Variants in FCHO2 observed in about 807,000 individuals in gnomAD.
FCHO2 encodes the protein F-BAR domain only protein 2.
In FCHO2, 43 loss-of-function variants were observed where a neutral mutation model predicts 114.1. The observed-to-expected ratio is 0.38, with a 90% confidence interval of 0.30 to 0.49. The LOEUF is 0.49. FCHO2 is among the 20% of genes least tolerant of loss of function. FCHO2 has a pLI of 0.97. For synonymous variants in FCHO2, 293 were observed against 315.2 expected (o/e 0.93, Z 0.75); for missense variants, 807 against 950.4 (o/e 0.85, Z 1.98).
At chr5:73,073,951 TCAGTAG>T (rs1742794221) in intron 19 of FCHO2, among the ~76,000 whole-genome samples, 1 of 152,082 alleles carries the variant, frequency 6.6e-6, no homozygotes, top group East Asian at 1.9e-4. Flanking sequence ...CTTTGGAAAA[TCAGTAG>T]CAGTAGCAGT....
At chr5:73,048,485 G>A (rs375672831) in intron 11 of FCHO2, among the ~76,000 whole-genome samples, 73 of 152,154 alleles carry the variant, frequency 4.8e-4, no homozygotes, top group South Asian at 1.9e-3. Context: ...TTCAATCTGC[G>A]GTTGGTTGAA....
intron 12 of FCHO2, 151 bp from the exon 13 acceptor site, chr5:73,052,181 C>G: frequency 1.4e-6 from 1 of 705,540 alleles, no homozygotes; most frequent in South Asian, 2.1e-5. Flanking sequence ...CCTTAGCCTC[C>G]CAAAGTCCTG....
At chr5:73,074,709 A>G (rs1430108352) in intron 19 of FCHO2, 33 bp from the exon 20 acceptor site, 2 of 1,569,772 alleles carry the variant, frequency 1.3e-6, no homozygotes, top group East Asian at 4.5e-5. Context: ...TGTCTTTCTG[A>G]AGGATTTAAC....
chr5:73,034,626 A>G, intron 8 of FCHO2, 31 bp from the exon 9 acceptor site: 5 of 1,558,552 alleles, frequency 3.2e-6, no homozygotes, highest in Non-Finnish European at 4.3e-6. Flanking sequence ...GTTTTTTTCT[A>G]CTAGAAGTTT....
Position 73,088,384 on chromosome 5 carries a change from T to C in FCHO2, c.*294T>C. 2.6e-6 allele frequency: 1 copy of C among 385,682 alleles called. No homozygotes were observed. Among genetic ancestry groups the C allele is most frequent in the East Asian group, 4.5e-5 (1 of 22,170 alleles). 23.9% of individuals were successfully genotyped at this position (385,682 alleles called of 1,614,324 possible). A position where few individuals can be genotyped will look rare whatever the true frequency, so the allele number is the denominator to read the frequency against. On this transcript the variant is annotated 3_prime_UTR_variant, in exon 26 of 26. Coordinates refer to ENST00000430046, the MANE Select transcript of FCHO2 (RefSeq NM_138782.3). ...ATTTTTAAATTATTTCCAGTGTCTA[T>C]GTTGAAAAAAAGGGTTATAGTGTAA...
intron 5 of FCHO2, among the ~76,000 whole-genome samples, chr5:73,002,963 A>T (rs1024709409): frequency 6.6e-6 from 1 of 152,226 alleles, no homozygotes; most frequent in African/African-American, 2.4e-5. Flanking sequence ...ATTTATTTTT[A>T]AAAAAGTAAT....
At chr5:73,062,835 G>A (rs1423804022) in intron 17 of FCHO2, among the ~76,000 whole-genome samples, 1 of 151,742 alleles carries the variant, frequency 6.6e-6, no homozygotes, top group Non-Finnish European at 1.5e-5. Flanking sequence ...AAGGCCTTTA[G>A]CTTTGCAGTT....
At chr5:72,983,093 T>C (rs1200250686) in intron 2 of FCHO2, among the ~76,000 whole-genome samples, 3 of 152,124 alleles carry the variant, frequency 2.0e-5, no homozygotes, top group Admixed American at 1.3e-4. Flanking sequence ...TTTGTATTTT[T>C]AGTAGAGACG....
intron 5 of FCHO2, 30 bp downstream of exon 5, chr5:72,990,894 G>A: frequency 6.6e-7 from 1 of 1,521,862 alleles, no homozygotes; most frequent in South Asian, 1.3e-5. Context: ...CATATCTGTG[G>A]TTTCAAAGCA....
chr5:72,956,440 C>G (rs900692830), intron 1 of FCHO2, among the ~76,000 whole-genome samples: 1 of 151,668 alleles, frequency 6.6e-6, no homozygotes, highest in Non-Finnish European at 1.5e-5. Flanking sequence ...CGGAGGCTCC[C>G]GGTGCCGCGC....
chr5:72,999,463 A>G (rs1447600933), intron 5 of FCHO2, among the ~76,000 whole-genome samples: 2 of 147,966 alleles, frequency 1.4e-5, no homozygotes, highest in South Asian at 2.1e-4. Context: ...GCTCACTGCA[A>G]TCTCTGCCTC....
At chr5:73,031,267 C>T (rs1023307585) in intron 8 of FCHO2, among the ~76,000 whole-genome samples, 3 of 152,204 alleles carry the variant, frequency 2.0e-5, no homozygotes, top group Non-Finnish European at 4.4e-5. Flanking sequence ...CACATGCACA[C>T]ACCCCTTCAT....
intron 20 of FCHO2, 53 bp from the exon 21 acceptor site, chr5:73,077,285 T>A (rs1290345254): frequency 1.5e-5 from 22 of 1,510,396 alleles, no homozygotes; most frequent in Non-Finnish European, 1.8e-5. Context: ...CCAAATACTT[T>A]AAATAGAGAT....
intron 2 of FCHO2, among the ~76,000 whole-genome samples, chr5:72,979,393 T>TTG (rs1753062319): frequency 8.3e-6 from 1 of 121,074 alleles, no homozygotes; most frequent in Non-Finnish European, 1.7e-5. Flanking sequence ...TTTTTTTTTT[T>TTG]TTTTTTTTTT....
At chr5:73,051,474 C>A in intron 12 of FCHO2, 68 bp downstream of exon 12, 1 of 1,001,422 alleles carries the variant, frequency 1.0e-6, no homozygotes, top group South Asian at 1.7e-5. Flanking sequence ...ATAAGAAAAT[C>A]ATGTATTAAA....
At chr5:73,012,370 C>G (rs919986792) in intron 6 of FCHO2, among the ~76,000 whole-genome samples, 6 of 152,044 alleles carry the variant, frequency 3.9e-5, no homozygotes, top group Non-Finnish European at 8.8e-5. Context: ...CGCCTGTAAT[C>G]CCAGCGCTTT....
At chr5:73,036,215 A>G (rs1756497815) in intron 9 of FCHO2, among the ~76,000 whole-genome samples, 1 of 152,144 alleles carries the variant, frequency 6.6e-6, no homozygotes, top group South Asian at 2.1e-4. Context: ...ATGAAAGAAG[A>G]GGATGCCTTA....
At chr5:73,086,608 C>A (rs551060522) in intron 24 of FCHO2, among the ~76,000 whole-genome samples, 1 of 152,130 alleles carries the variant, frequency 6.6e-6, no homozygotes, top group Non-Finnish European at 1.5e-5. Context: ...AGTTCAGATC[C>A]CCCTTTCCTA....
chr5:73,071,635 T>C (rs1168213004), intron 19 of FCHO2, among the ~76,000 whole-genome samples: 1 of 152,138 alleles, frequency 6.6e-6, no homozygotes, highest in Non-Finnish European at 1.5e-5. Context: ...TAAGAAATTA[T>C]TTATTTGGAA....
Sources: allele counts gnomAD v4.1 joint callset (sites outside exome capture counted in the v4.1 genomes callset), GRCh38; gene constraint gnomAD v4.1.1; transcripts MANE v1.5; gene names NCBI Gene and HGNC (gene_info 2026-07-23, HGNC 2026-07-21).